The following MECOM variants were observed in gnomAD, a reference collection of about 807,000 sequenced individuals.
MECOM encodes MDS1 and EVI1 complex locus.
In MECOM, 13 loss-of-function variants were observed where a neutral mutation model predicts 116.3. The observed-to-expected ratio is 0.11, with a 90% CI of 0.07 to 0.18. MECOM has a LOEUF of 0.18. MECOM is among the 10% of genes least tolerant of loss of function. The probability of loss-of-function intolerance (pLI) is 1.00; values close to 1 mark genes in which losing one functional copy is unlikely to be tolerated. For synonymous variants in MECOM, 528 were observed against 535.2 expected (o/e 0.99, Z 0.19); for missense variants, 1,299 against 1,509.0 (o/e 0.86, Z 2.31).
intron 1 of MECOM, among the ~76,000 whole-genome samples, chr3:169,495,783 G>A (rs1050138283): frequency 6.6e-6 from 1 of 152,210 alleles, no homozygotes; most frequent in Non-Finnish European, 1.5e-5. Context: ...TGTACTTACA[G>A]AAGGCAGCAT....
At chr3:169,199,858 G>T (rs1748926316) in intron 2 of MECOM, among the ~76,000 whole-genome samples, 1 of 151,964 alleles carries the variant, frequency 6.6e-6, no homozygotes, top group Non-Finnish European at 1.5e-5. Context: ...GTTTTCAAAG[G>T]TTAGCTGTGA....
intron 2 of MECOM, among the ~76,000 whole-genome samples, chr3:169,269,474 G>C (rs981234035): frequency 6.6e-6 from 1 of 152,092 alleles, no homozygotes; most frequent in African/African-American, 2.4e-5. Flanking sequence ...TAATTAGAAG[G>C]CACTGAGTTT....
chr3:169,245,475 T>A (rs1755466814), intron 2 of MECOM, among the ~76,000 whole-genome samples: 1 of 152,232 alleles, frequency 6.6e-6, no homozygotes, highest in Non-Finnish European at 1.5e-5. Flanking sequence ...TGTTTACTAG[T>A]GTGCTAGCAA....
At chr3:169,205,042 G>A (rs563981429) in intron 2 of MECOM, among the ~76,000 whole-genome samples, 2 of 152,248 alleles carry the variant, frequency 1.3e-5, no homozygotes, top group Admixed American at 1.3e-4. Flanking sequence ...GATGCTATGG[G>A]TTTAAATCAC....
chr3:169,086,639 T>A (rs897592805), intron 16 of MECOM: 14 of 697,154 alleles, frequency 2.0e-5, no homozygotes, highest in African/African-American at 5.3e-5. Flanking sequence ...CTAACTTACA[T>A]AAAGTGTTTA....
intron 3 of MECOM, chr3:169,133,907 A>G (rs1486587379): frequency 7.8e-7 from 1 of 1,288,478 alleles, no homozygotes; most frequent in Admixed American, 2.3e-5. Flanking sequence ...AACAGTTTGA[A>G]TCACCTCTTT....
At chr3:169,490,668 T>C (rs1241113408) in intron 1 of MECOM, among the ~76,000 whole-genome samples, 1 of 152,192 alleles carries the variant, frequency 6.6e-6, no homozygotes, top group Admixed American at 6.5e-5. Context: ...TAGCTTGTGA[T>C]GGAACATATA....
At chr3:169,642,356 G>T (rs190710287) in intron 1 of MECOM, among the ~76,000 whole-genome samples, 93 of 151,124 alleles carry the variant, frequency 6.2e-4, no homozygotes, top group African/African-American at 1.9e-3. Flanking sequence ...AAATAGTCGG[G>T]TAACTGATAA....
At chr3:169,543,931 G>A (rs1297636574) in intron 1 of MECOM, among the ~76,000 whole-genome samples, 1 of 152,076 alleles carries the variant, frequency 6.6e-6, no homozygotes, top group African/African-American at 2.4e-5. Flanking sequence ...TGTGACCCAG[G>A]CTGGAATGCA....
At chr3:169,153,515 TC>T (rs1741481058) in intron 2 of MECOM, among the ~76,000 whole-genome samples, 1 of 152,184 alleles carries the variant, frequency 6.6e-6, no homozygotes, top group South Asian at 2.1e-4. Flanking sequence ...AAACCTCAAC[TC>T]TATAAGGAAT....
intron 2 of MECOM, among the ~76,000 whole-genome samples, chr3:169,240,707 A>G (rs1754683964): frequency 6.6e-6 from 1 of 152,152 alleles, no homozygotes; most frequent in South Asian, 2.1e-4. Flanking sequence ...AAATGGGACA[A>G]CTAAAAAACA....
chr3:169,643,364 T>A (rs1773743247), intron 1 of MECOM, among the ~76,000 whole-genome samples: 1 of 152,230 alleles, frequency 6.6e-6, no homozygotes, highest in Admixed American at 6.5e-5. Flanking sequence ...ATTGAGTTAT[T>A]AGCACTGTGT....
At chr3:169,583,200 G>A (rs1765328436) in intron 1 of MECOM, among the ~76,000 whole-genome samples, 1 of 152,192 alleles carries the variant, frequency 6.6e-6, no homozygotes, top group African/African-American at 2.4e-5. Context: ...TAGCTAAAAT[G>A]AATGAATGAG....
At chr3:169,162,975 TTTG>T (rs1212667050) in intron 2 of MECOM, among the ~76,000 whole-genome samples, 4 of 152,182 alleles carry the variant, frequency 2.6e-5, no homozygotes, top group Non-Finnish European at 4.4e-5. Context: ...GTCTTCCTAT[TTTG>T]TTTAACAACC....
intron 1 of MECOM, among the ~76,000 whole-genome samples, chr3:169,571,382 G>A (rs1022134715): frequency 6.6e-6 from 1 of 152,156 alleles, no homozygotes; most frequent in Non-Finnish European, 1.5e-5. Context: ...CTCATGAATA[G>A]GAAGAATTAC....
At chr3:169,433,673 G>GAAAGA (rs1742112006) in intron 1 of MECOM, among the ~76,000 whole-genome samples, 1 of 144,790 alleles carries the variant, frequency 6.9e-6, no homozygotes, top group Non-Finnish European at 1.5e-5. Flanking sequence ...AAGAAAGAAA[G>GAAAGA]AAAGAAAGAA....
intron 2 of MECOM, among the ~76,000 whole-genome samples, chr3:169,347,575 A>AAAG (rs1312071672): frequency 7.2e-5 from 11 of 152,142 alleles, no homozygotes; most frequent in Non-Finnish European, 1.5e-5. Flanking sequence ...ACCACAAATA[A>AAAG]AAGACAAAAA....
At chr3:169,439,421 A>G (rs181490222) in intron 1 of MECOM, among the ~76,000 whole-genome samples, 1 of 151,316 alleles carries the variant, frequency 6.6e-6, no homozygotes, top group African/African-American at 2.4e-5. Context: ...GAATACTTCT[A>G]AAATAAATAA....
At chr3:169,542,097 C>T (rs1166830935) in intron 1 of MECOM, among the ~76,000 whole-genome samples, 1 of 152,092 alleles carries the variant, frequency 6.6e-6, no homozygotes, top group Non-Finnish European at 1.5e-5. Context: ...GTAAAGAAAT[C>T]CCCACCAGAG....
Sources: allele counts gnomAD v4.1 joint callset (sites outside exome capture counted in the v4.1 genomes callset), GRCh38; gene constraint gnomAD v4.1.1; transcripts MANE v1.5; gene names NCBI Gene and HGNC (gene_info 2026-07-23, HGNC 2026-07-21).